AFG2A: variants seen among roughly 807,000 people sequenced by gnomAD.
The protein encoded by AFG2A is ATPase family gene 2 protein homolog A.
At chr4:123,296,709 G>T in the AFG2A span, among the ~76,000 whole-genome samples, 1 of 152,032 alleles carries the variant, frequency 6.6e-6, no homozygotes, top group East Asian at 1.9e-4. Flanking sequence ...TGATTTCACT[G>T]TATACTGTTC....
At chr4:122,983,807 C>T in the AFG2A span, among the ~76,000 whole-genome samples, 3 of 152,214 alleles carry the variant, frequency 2.0e-5, no homozygotes, top group Admixed American at 6.5e-5. Context: ...CATCACAGGA[C>T]TCTGTACAGA....
chr4:123,033,348 G>GT, the AFG2A span, among the ~76,000 whole-genome samples: 3,321 of 151,440 alleles, frequency 0.022, 63 homozygotes, highest in Non-Finnish European at 0.036. Flanking sequence ...TTCCCTTTTT[G>GT]TTTTTTTTAA....
chr4:123,031,622 T>C, the AFG2A span, among the ~76,000 whole-genome samples: 4 of 152,224 alleles, frequency 2.6e-5, no homozygotes, highest in Non-Finnish European at 5.9e-5. Context: ...TCAGAAAAAG[T>C]AGACATACAC....
the AFG2A span, among the ~76,000 whole-genome samples, chr4:123,020,578 A>G: frequency 2.0e-5 from 3 of 152,092 alleles, no homozygotes; most frequent in African/African-American, 2.4e-5. Context: ...CACGTTGGCC[A>G]GGCTGGTCTT....
the AFG2A span, among the ~76,000 whole-genome samples, chr4:123,206,206 A>G: frequency 2.6e-5 from 4 of 152,072 alleles, no homozygotes; most frequent in African/African-American, 9.7e-5. Flanking sequence ...ACTTCCCTCC[A>G]TACATTCTTT....
chr4:123,042,974 C>T, the AFG2A span, among the ~76,000 whole-genome samples: 1 of 151,624 alleles, frequency 6.6e-6, no homozygotes, highest in African/African-American at 2.4e-5. Flanking sequence ...CGTTTCTAAC[C>T]CTCTTCATTT....
chr4:123,252,391 T>C, the AFG2A span, among the ~76,000 whole-genome samples: 1 of 152,190 alleles, frequency 6.6e-6, no homozygotes, highest in Non-Finnish European at 1.5e-5. Context: ...ATGGTTGTAA[T>C]ATATGTCACC....
the AFG2A span, among the ~76,000 whole-genome samples, chr4:122,927,101 T>A: frequency 5.9e-5 from 9 of 152,192 alleles, no homozygotes; most frequent in African/African-American, 2.2e-4. Context: ...GACCCCCTTT[T>A]TCAGCCAAAA....
At chr4:122,931,678 C>T in the AFG2A span, among the ~76,000 whole-genome samples, 1 of 152,102 alleles carries the variant, frequency 6.6e-6, no homozygotes, top group Non-Finnish European at 1.5e-5. Context: ...TTCACACTCC[C>T]TCCAACTGAC....
At chr4:123,173,384 C>G in the AFG2A span, among the ~76,000 whole-genome samples, 1 of 117,182 alleles carries the variant, frequency 8.5e-6, no homozygotes, top group South Asian at 3.0e-4. Context: ...GAGTCGGATT[C>G]TCACCCTGTC....
the AFG2A span, among the ~76,000 whole-genome samples, chr4:123,197,081 G>T: frequency 6.6e-6 from 1 of 152,096 alleles, no homozygotes; most frequent in Non-Finnish European, 1.5e-5. Flanking sequence ...CTTTTTGAAA[G>T]GGTTTTCTGA....
chr4:122,952,868 T>C, the AFG2A span, among the ~76,000 whole-genome samples: 1 of 152,164 alleles, frequency 6.6e-6, no homozygotes, highest in African/African-American at 2.4e-5. Context: ...GTGGTATGTG[T>C]CCAGTGCCTC....
chr4:123,057,127 TA>T, the AFG2A span: 1 of 1,446,992 alleles, frequency 6.9e-7, no homozygotes. Flanking sequence ...GGTTTGGTTC[TA>T]AATATAGTTT....
At chr4:123,202,082 C>T in the AFG2A span, among the ~76,000 whole-genome samples, 1 of 152,164 alleles carries the variant, frequency 6.6e-6, no homozygotes, top group Non-Finnish European at 1.5e-5. Flanking sequence ...TAATGCTTTA[C>T]TCCATTTCTA....
At chr4:123,195,070 A>G in the AFG2A span, among the ~76,000 whole-genome samples, 2 of 152,222 alleles carry the variant, frequency 1.3e-5, no homozygotes, top group Admixed American at 1.3e-4. Context: ...GCATTAAACA[A>G]GTTGATAAAA....
the AFG2A span, among the ~76,000 whole-genome samples, chr4:123,066,532 A>G: frequency 7.5e-4 from 114 of 152,272 alleles, 1 homozygote; most frequent in Non-Finnish European, 1.3e-3. Context: ...TTTGAACTAT[A>G]CTACTGCTGT....
chr4:123,198,632 A>G, the AFG2A span, among the ~76,000 whole-genome samples: 1 of 152,190 alleles, frequency 6.6e-6, no homozygotes, highest in Non-Finnish European at 1.5e-5. Context: ...AAGCCAAAAC[A>G]TCTTCCTGCC....
At chr4:123,020,548 T>C in the AFG2A span, among the ~76,000 whole-genome samples, 2 of 152,054 alleles carry the variant, frequency 1.3e-5, no homozygotes, top group African/African-American at 4.8e-5. Context: ...TTTGTATTTT[T>C]AGTAGAGGCG....
chr4:123,282,409 A>G, the AFG2A span, among the ~76,000 whole-genome samples: 3 of 152,166 alleles, frequency 2.0e-5, no homozygotes, highest in African/African-American at 7.2e-5. Context: ...TAAGTTCACT[A>G]AAACAAGCAT....
Sources: allele counts gnomAD v4.1 joint callset (sites outside exome capture counted in the v4.1 genomes callset), GRCh38; gene constraint gnomAD v4.1.1; transcripts MANE v1.5; gene names NCBI Gene and HGNC (gene_info 2026-07-23, HGNC 2026-07-21).